The following BBS1 variants were observed in gnomAD, a reference collection of about 807,000 sequenced individuals.
BBS1 encodes the protein Bardet-Biedl syndrome 1, also known as BBSome complex member BBS1.
Under a neutral mutation model 73.9 loss-of-function variants are expected in BBS1, and 60 were observed. The ratio of observed to expected loss-of-function variants is 0.81; its 90% confidence interval spans 0.66 to 1.01. BBS1 has a LOEUF of 1.01. Among genes scored for constraint, BBS1 ranks in the 50% least tolerant of loss-of-function variants. The probability of loss-of-function intolerance (pLI) is 0.00; values close to 1 mark genes in which losing one functional copy is unlikely to be tolerated. For synonymous variants in BBS1, 283 were observed against 317.4 expected, an observed-to-expected ratio of 0.89 and a Z score of 1.15; for missense variants, 718 against 770.3, an observed-to-expected ratio of 0.93 and a Z score of 0.80.
intron 11 of BBS1, among the ~76,000 whole-genome samples, chr11:66,525,233 C>T (rs1267696133): frequency 6.8e-6 from 1 of 147,880 alleles, no homozygotes; most frequent in African/African-American, 2.5e-5. Context: ...TGATGGCACA[C>T]CTGTAATCCC....
chr11:66,524,105 C>T (rs1565286367), intron 11 of BBS1: 3 of 600,198 alleles, frequency 5.0e-6, no homozygotes, highest in Non-Finnish European at 8.9e-6. Flanking sequence ...CATGGCATAA[C>T]CCCCTTGCTA....
chr11:66,527,917 G>A (rs1856591725), intron 13 of BBS1, among the ~76,000 whole-genome samples: 2 of 152,108 alleles, frequency 1.3e-5, no homozygotes, highest in Non-Finnish European at 2.9e-5. Flanking sequence ...ATAGGCAGAG[G>A]CACAGGGTGT....
intron 9 of BBS1, 105 bp downstream of exon 9, chr11:66,521,481 T>C (rs1590762675): frequency 3.4e-6 from 3 of 881,696 alleles, no homozygotes; most frequent in Non-Finnish European, 5.5e-6. Flanking sequence ...AATTTGGAAA[T>C]GCAAAGAGCT....
chr11:66,523,349 G>C, intron 9 of BBS1, 107 bp from the exon 10 acceptor site: 1 of 1,494,692 alleles, frequency 6.7e-7, no homozygotes. Flanking sequence ...CTGCTTTGGG[G>C]CCAGTGTTCC....
At chr11:66,511,164 T>G in intron 2 of BBS1, 41 bp from the exon 3 acceptor site, 1 of 1,614,104 alleles carries the variant, frequency 6.2e-7, no homozygotes, top group Non-Finnish European at 8.5e-7. Flanking sequence ...GTGAAGCCTC[T>G]GGGATTCTGA....
Position 66,524,339 on chromosome 11 carries a change from G to T in BBS1, c.1110+457G>T, listed in dbSNP as rs144048307. On this transcript the variant is annotated intron_variant, in intron 11 of 16. Transcript: ENST00000318312. ...TACCAGTCACCATATTGGTAGGGGT[G>T]GGGGGTAAAATGATGACTAAGTCCT... The T allele has an allele frequency of 2.4e-3, 656 of 274,810 alleles. 9 individuals are homozygous for T. The highest frequency in any genetic ancestry group is 0.023 in the East Asian group (231 of 10,004). 17.0% of individuals were successfully genotyped at this position (274,810 alleles called of 1,614,324 possible).
chr11:66,525,728 G>A (rs1212407507), intron 11 of BBS1, among the ~76,000 whole-genome samples: 7 of 152,202 alleles, frequency 4.6e-5, no homozygotes, highest in Non-Finnish European at 1.0e-4. Context: ...GAAAAGGCGG[G>A]TTGGAGTCAA....
In BBS1 at chr11:66,514,425, GC is replaced by G. The variant is rs1057517007; in HGVS notation, c.182del (p.Pro61LeufsTer8). 1 of 1,613,972 alleles carries G rather than the reference GC, an allele frequency of 6.2e-7. No individual in the cohort carries two copies. Among genetic ancestry groups the G allele is most frequent in the African/African-American group, 1.3e-5 (1 of 74,918 alleles). ...CTGCAGCTGGTGGTAGGGGACCTTG[GC>G]CCTGGTGGGCAGCAGCCCCGCCTGA... ...GEYKLVVGDL[G>X]PGGQQPRLKV... On this transcript the variant is annotated frameshift_variant, in exon 4 of 17. Transcript: ENST00000318312. LOFTEE classifies it high-confidence loss of function.
rs773503074 is a variant in BBS1 at position 66,511,222 on chromosome 11, G to C, written c.142G>C (p.Gly48Arg). The C allele has an allele frequency of 6.2e-7, 1 of 1,614,118 alleles. No individual in the cohort carries two copies. ...TTTTCCAGCGCTGGCAGATTTACAT[G>C]GGGATGGGGAATACAAGGTAAGCAT... Reference protein sequence around the residue: ...SACLALADLHGDGEYKLVVGD... With the variant: ...SACLALADLHRDGEYKLVVGD... Residue 48 changes from glycine (G) to arginine (R), a missense_variant, in exon 3 of 17, where the codon GGG becomes CGG. Physicochemically the swap from Gly to Arg is moderately radical, Grantham distance 125. Transcript: ENST00000318312.
intron 3 of BBS1, among the ~76,000 whole-genome samples, chr11:66,512,005 T>A (rs11227505): frequency 0.22 from 31,783 of 143,228 alleles, 3,778 homozygotes; most frequent in East Asian, 0.31. Context: ...CAAAAAAAAA[T>A]ATATATATAT....
At chr11:66,521,402 C>G (rs1244882432) in intron 9 of BBS1, 26 bp downstream of exon 9, 1 of 1,575,208 alleles carries the variant, frequency 6.3e-7, no homozygotes, top group Admixed American at 1.7e-5. Context: ...GTCTCCGGGG[C>G]CGGGAGGAAC....
At chr11:66,513,623 G>C (rs781651750) in intron 3 of BBS1, among the ~76,000 whole-genome samples, 2 of 152,144 alleles carry the variant, frequency 1.3e-5, no homozygotes, top group Admixed American at 6.6e-5. Context: ...AGGCTGCAGC[G>C]AGCCATGATC....
rs755026677 is a variant in BBS1 at position 66,511,022 on chromosome 11, C to G, written c.57C>G (p.Ala19=). 57 of 1,614,016 alleles carry G rather than the reference C, an allele frequency of 3.5e-5. No individual in the cohort carries two copies. In the South Asian group the frequency reaches 5.3e-4, roughly 15 times the overall value. The part of the protein sequence containing the change: ...SDACGAESNE[A]NSKWLDAHYD... ...TTTCCCCCACTTCCAGCAATGAGGC[C>G]AATTCGAAGTGGTTGGATGCGCACT... The change falls in exon 2 of 17, where the codon GCC becomes GCG. Residue 19 remains alanine (A), a synonymous_variant. Transcript: ENST00000318312.
chr11:66,522,894 G>T (rs1161436314), intron 9 of BBS1: 1 of 347,276 alleles, frequency 2.9e-6, no homozygotes, highest in Non-Finnish European at 5.6e-6. Flanking sequence ...CTGTGGAGAT[G>T]GCTTGAAAGT....
intron 4 of BBS1, 106 bp from the exon 5 acceptor site, chr11:66,515,434 G>T: frequency 8.1e-7 from 1 of 1,238,430 alleles, no homozygotes; most frequent in Non-Finnish European, 1.2e-6. Flanking sequence ...TGGCAGGGAG[G>T]CAGAGACCAA....
Position 66,532,408 on chromosome 11 carries a change from A to C in BBS1, c.*371A>C. On this transcript the variant is annotated 3_prime_UTR_variant, in exon 17 of 17. Coordinates refer to ENST00000318312, the MANE Select transcript of BBS1 (RefSeq NM_024649.5). ...GCCACGTCCCTCATGCACATCACTC[A>C]TCTCCTGCTGCAGGCCAAGGCCAAA... 4.5e-6 allele frequency: 1 copy of C among 224,384 alleles called. No homozygotes were observed. Among genetic ancestry groups the C allele is most frequent in the Non-Finnish European group, 9.0e-6 (1 of 111,644 alleles). The allele number at this position is 224,384 out of a possible 1,614,324, so 13.9% of individuals were successfully genotyped here.
At position 66,532,135 on chromosome 11, in the gene BBS1, G is replaced by T; in HGVS notation, c.*98G>T. On this transcript the variant is annotated 3_prime_UTR_variant, in exon 17 of 17. Coordinates refer to ENST00000318312, the MANE Select transcript of BBS1 (RefSeq NM_024649.5). The stretch of plus-strand genomic sequence containing the variant: ...ACTCCTCATGCAGCAGTGTGCTGGG[G>T]CGACAGCTCGTCTCCCCTCTCTTAA... The T allele has an allele frequency of 7.7e-7, 1 of 1,295,362 alleles. No individual in the cohort carries two copies. The highest frequency in any genetic ancestry group is 1.1e-6 in the Non-Finnish European group (1 of 938,082). 80.2% of individuals were successfully genotyped at this position (1,295,362 alleles called of 1,614,324 possible). A position where few individuals can be genotyped will look rare whatever the true frequency, so the allele number is the denominator to read the frequency against.
chr11:66,519,240 G>T (rs189602743), intron 7 of BBS1, among the ~76,000 whole-genome samples: 1 of 152,104 alleles, frequency 6.6e-6, no homozygotes, highest in Admixed American at 6.6e-5. Context: ...GCACGGTGGC[G>T]TGCGCCTGTA....
At chr11:66,517,469 C>CTT (rs1247554577) in intron 7 of BBS1, among the ~76,000 whole-genome samples, 6 of 137,000 alleles carry the variant, frequency 4.4e-5, no homozygotes, top group African/African-American at 1.1e-4. Flanking sequence ...AATTTTTGTC[C>CTT]TTTTTTTTTT....
Sources: gnomAD v4.1 joint callset for allele counts (sites outside exome capture counted in the v4.1 genomes callset) on GRCh38, gnomAD v4.1.1 for gene constraint, MANE v1.5 for transcripts, NCBI Gene and HGNC (gene_info 2026-07-23, HGNC 2026-07-21) for gene names.